Variants in PFDN4 observed in about 807,000 individuals in gnomAD.
The protein encoded by PFDN4 is prefoldin 4.
PFDN4 carries 6 observed loss-of-function variants against 17.6 expected under a neutral mutation model. That is an observed-to-expected ratio of 0.34 (90% CI 0.19 to 0.67). The LOEUF is 0.67. Ranked by LOEUF, PFDN4 falls within the 30% of genes least tolerant of loss-of-function variation. PFDN4 has a pLI of 0.68. For synonymous variants in PFDN4, 48 were observed against 51.1 expected (o/e 0.94, Z 0.26); for missense variants, 119 against 158.4 (o/e 0.75, Z 1.33).
At position 54,215,285 on chromosome 20, in the gene PFDN4, AT is replaced by A; in HGVS notation, c.133-11del. ...GAACTTTGAGTACATTTTCTTTGCCATTTTGCATTTATAGAAACAACTCCAA... is the reference window on the plus strand; with the variant it reads ...GAACTTTGAGTACATTTTCTTTGCCATTTGCATTTATAGAAACAACTCCAA... On this transcript the variant is annotated splice_polypyrimidine_tract_variant and intron_variant, in intron 2 of 3. Coordinates refer to ENST00000371419, the MANE Select transcript of PFDN4 (RefSeq NM_002623.4). The A allele has an allele frequency of 6.5e-7, 1 of 1,548,892 alleles. No homozygotes were observed. Among genetic ancestry groups the A allele is most frequent in the Non-Finnish European group, 8.7e-7 (1 of 1,142,860 alleles).
intron 3 of PFDN4, among the ~76,000 whole-genome samples, chr20:54,216,908 G>A (rs956124399): frequency 1.3e-5 from 2 of 152,102 alleles, no homozygotes; most frequent in Non-Finnish European, 2.9e-5. Flanking sequence ...TGATCCACCC[G>A]CCTCAGCCTC....
chr20:54,208,377 C>T, intron 1 of PFDN4: 1 of 427,150 alleles, frequency 2.3e-6, no homozygotes, highest in Non-Finnish European at 4.1e-6. Context: ...GCAGGTCCGC[C>T]TCCCGCGATG....
chr20:54,208,284 G>A (rs2092750776), intron 1 of PFDN4, 160 bp downstream of exon 1: 8 of 577,254 alleles, frequency 1.4e-5, no homozygotes, highest in Non-Finnish European at 2.7e-6. Context: ...AGGCCTGCTC[G>A]CGCCTGGCGC....
In PFDN4 at chr20:54,219,132, T is replaced by C. The variant is rs945308619; in HGVS notation, c.387T>C (p.Leu129=). 3.3e-6 allele frequency: 5 copies of C among 1,536,058 alleles called. No homozygotes were observed. Among genetic ancestry groups the C allele is most frequent in the Non-Finnish European group, 4.4e-6 (5 of 1,138,470 alleles). The part of the protein sequence containing the change: ...LYAKFGSNIN[L]EADES ...CAAAATTCGGGAGCAACATAAACCT[T>C]GAAGCTGATGAAAGTTAAACATTTT... Residue 129 remains leucine, a synonymous_variant, in exon 4 of 4, where the codon CTT becomes CTC. Coordinates refer to ENST00000371419, the MANE Select transcript of PFDN4 (RefSeq NM_002623.4).
Position 54,215,505 on chromosome 20 carries a change from G to A in PFDN4, c.273+65G>A. 4 of 1,062,464 alleles carry A rather than the reference G, an allele frequency of 3.8e-6. No homozygotes were observed. The South Asian group carries it at 7.2e-5, about 19-fold the overall frequency. The allele number at this position is 1,062,464 out of a possible 1,614,324, so 65.8% of individuals were successfully genotyped here. On this transcript the variant is annotated intron_variant, in intron 3 of 3. Transcript: ENST00000371419. ...CTATAAAGAACATGTAATTATAGAT[G>A]TAGGGAAATAGTAGATGCTAGCTAT...
chr20:54,219,004 A>C lies in PFDN4; in HGVS notation c.274-15A>C. 7.0e-7 allele frequency: 1 copy of C among 1,429,170 alleles called. No individual in the cohort carries two copies. The highest frequency in any genetic ancestry group is 9.5e-7 in the Non-Finnish European group (1 of 1,051,694). 88.5% of individuals were successfully genotyped at this position (1,429,170 alleles called of 1,614,324 possible). A position where few individuals can be genotyped will look rare whatever the true frequency, so the allele number is the denominator to read the frequency against. On this transcript the variant is annotated splice_polypyrimidine_tract_variant and intron_variant, in intron 3 of 3. Coordinates refer to ENST00000371419, the MANE Select transcript of PFDN4 (RefSeq NM_002623.4). Reference sequence around the variant, plus strand: ...TCCTATTGAATAGAATTAATTTAAAATATTTTTTTTCCAGAAAAATTTGCA... The same window carrying C: ...TCCTATTGAATAGAATTAATTTAAACTATTTTTTTTCCAGAAAAATTTGCA...
chr20:54,215,345 G>A lies in PFDN4; in HGVS notation c.178G>A (p.Ala60Thr). 6.2e-7 allele frequency: 1 copy of A among 1,601,192 alleles called. No homozygotes were observed. The highest frequency in any genetic ancestry group is 8.5e-7 in the Non-Finnish European group (1 of 1,170,774). ...LEDACDDIML[A>T]DDDCLMIPYQ... ...AGATGCTTGTGATGACATCATGCTT[G>A]CAGATGATGATTGCTTAATGATACC... Residue 60 changes from alanine (A) to threonine (T), a missense_variant, in exon 3 of 4, where the codon GCA becomes ACA. Ala to Thr is a moderately conservative substitution (Grantham distance 58). Around this residue, in one of 3 missense-constraint regions of PFDN4, gnomAD observed 81 missense variants for 111.7 expected, o/e 0.73. Transcript: ENST00000371419.
intron 1 of PFDN4, among the ~76,000 whole-genome samples, chr20:54,213,439 G>A (rs1312060296): frequency 1.3e-5 from 2 of 152,116 alleles, no homozygotes; most frequent in Non-Finnish European, 2.9e-5. Flanking sequence ...TCACAGAGAC[G>A]CACGTTCACA....
intron 3 of PFDN4, 118 bp from the exon 4 acceptor site, chr20:54,218,901 C>T (rs2092766120): frequency 3.2e-6 from 2 of 620,396 alleles, no homozygotes; most frequent in East Asian, 3.1e-5. Flanking sequence ...TGTTACTTAG[C>T]TGCCTGTCCA....
intron 3 of PFDN4, among the ~76,000 whole-genome samples, chr20:54,218,043 C>T (rs371839316): frequency 7.9e-5 from 12 of 152,080 alleles, no homozygotes; most frequent in South Asian, 4.1e-4. Context: ...ATTTCTAAAA[C>T]GGCAACACTG....
intron 3 of PFDN4, among the ~76,000 whole-genome samples, chr20:54,217,861 G>A (rs2092764649): frequency 6.6e-6 from 1 of 152,146 alleles, no homozygotes; most frequent in South Asian, 2.1e-4. Flanking sequence ...GCATGCGTGA[G>A]AATCACAGTC....
At chr20:54,216,836 T>C (rs918318549) in intron 3 of PFDN4, among the ~76,000 whole-genome samples, 2 of 152,070 alleles carry the variant, frequency 1.3e-5, no homozygotes, top group Non-Finnish European at 2.9e-5. Context: ...TTTGTACTTT[T>C]GGTAGAGACA....
rs1347509249 is a variant in PFDN4, at chr20:54,219,734, T to C, written c.*584T>C. On this transcript the variant is annotated 3_prime_UTR_variant, in exon 4 of 4. Transcript: ENST00000371419. The stretch of plus-strand genomic sequence containing the variant: ...GGTAATGTTTAAACATGTGGAGGCA[T>C]GTGGAGCTTTATACAAACAGGGCAG... 2 of 398,240 alleles carry C rather than the reference T, an allele frequency of 5.0e-6. No individual in the cohort carries two copies. The highest frequency in any genetic ancestry group is 2.1e-5 in the African/African-American group (1 of 48,612). 24.7% of individuals were successfully genotyped at this position (398,240 alleles called of 1,614,324 possible).
At chr20:54,218,182 T>C (rs1177039479) in intron 3 of PFDN4, among the ~76,000 whole-genome samples, 1 of 151,972 alleles carries the variant, frequency 6.6e-6, no homozygotes, top group Non-Finnish European at 1.5e-5. Flanking sequence ...ATGGCTTTTT[T>C]TTTTTTTTTT....
At chr20:54,212,962 G>A (rs73135202) in intron 1 of PFDN4, among the ~76,000 whole-genome samples, 3,204 of 152,346 alleles carry the variant, frequency 0.021, 55 homozygotes, top group African/African-American at 0.037. Context: ...TTGTTGAGGT[G>A]GGGCATAATG....
intron 1 of PFDN4, among the ~76,000 whole-genome samples, chr20:54,209,842 A>G (rs184184987): frequency 4.8e-4 from 73 of 152,338 alleles, no homozygotes; most frequent in African/African-American, 1.8e-3. Context: ...AGTGGAGACA[A>G]CTGTGGTGAC....
chr20:54,211,789 A>G (rs1293957143), intron 1 of PFDN4, among the ~76,000 whole-genome samples: 1 of 152,192 alleles, frequency 6.6e-6, no homozygotes, highest in Non-Finnish European at 1.5e-5. Flanking sequence ...GGTGAAAGCT[A>G]TGAAGACCTT....
chr20:54,210,111 A>T (rs1428257025), intron 1 of PFDN4, among the ~76,000 whole-genome samples: 1 of 152,250 alleles, frequency 6.6e-6, no homozygotes, highest in Non-Finnish European at 1.5e-5. Flanking sequence ...GGAGCGAAGC[A>T]TTCTAGAGAG....
chr20:54,216,098 G>T (rs1383026073), intron 3 of PFDN4, among the ~76,000 whole-genome samples: 2 of 152,184 alleles, frequency 1.3e-5, no homozygotes, highest in African/African-American at 4.8e-5. Flanking sequence ...GTTACTGTGA[G>T]CATTCTTCTA....
Sources: gnomAD v4.1 joint callset for allele counts (sites outside exome capture counted in the v4.1 genomes callset) on GRCh38, gnomAD v4.1.1 for gene constraint, gnomAD v4.1.1 regional missense constraint, MANE v1.5 for transcripts, NCBI Gene and HGNC (gene_info 2026-07-23, HGNC 2026-07-21) for gene names.